Variants in TAF2 observed in about 807,000 individuals in gnomAD.
The protein encoded by TAF2 is TATA-box binding protein associated factor 2.
In TAF2, 61 loss-of-function variants were observed where a neutral mutation model predicts 138.5. The observed-to-expected ratio is 0.44, with a 90% confidence interval of 0.36 to 0.54. TAF2 has a LOEUF of 0.54. Ranked by LOEUF, TAF2 falls within the 20% of genes least tolerant of loss-of-function variation. TAF2 has a pLI of 0.00. For missense variants in TAF2, 1,090 were observed against 1,427.9 expected (o/e 0.76, Z 3.81); for synonymous variants, 475 against 469.9 (o/e 1.01, Z -0.14).
At position 119,789,609 on chromosome 8, in the gene TAF2, C is replaced by T. The variant is rs147865905; in HGVS notation, c.1551G>A (p.Pro517=). The T allele has an allele frequency of 7.1e-4, 1,148 of 1,613,610 alleles. No individual in the cohort carries two copies. Among genetic ancestry groups the T allele is most frequent in the Non-Finnish European group, 8.8e-4 (1,044 of 1,179,870 alleles). ...AAGGATACACCCACTGCTTTATTAACGGCTGAATATCTTTGCCAGAGACAT... is the reference window on the plus strand; with the variant it reads ...AAGGATACACCCACTGCTTTATTAATGGCTGAATATCTTTGCCAGAGACAT... The part of the protein sequence containing the change: ...ISNVSGKDIQ[P]LIKQWVDQSG... Residue 517 remains proline, a synonymous_variant, in exon 12 of 26, where the codon CCG becomes CCA. Coordinates refer to ENST00000378164, the MANE Select transcript of TAF2 (RefSeq NM_003184.4).
At chr8:119,794,758 C>T (rs1823701673) in intron 9 of TAF2, among the ~76,000 whole-genome samples, 1 of 152,094 alleles carries the variant, frequency 6.6e-6, no homozygotes, top group Non-Finnish European at 1.5e-5. Flanking sequence ...AGAAGAGACT[C>T]CAGTTCTAGA....
intron 19 of TAF2, 143 bp downstream of exon 19, chr8:119,762,272 A>T: frequency 2.6e-6 from 2 of 768,522 alleles, no homozygotes; most frequent in Non-Finnish European, 4.1e-6. Context: ...AAATACTAAT[A>T]ATTTATCTGT....
At chr8:119,789,075 G>A (rs1205606471) in intron 12 of TAF2, among the ~76,000 whole-genome samples, 171 bp from the exon 13 acceptor site, 1 of 152,174 alleles carries the variant, frequency 6.6e-6, no homozygotes, top group African/African-American at 2.4e-5. Flanking sequence ...TGTGAAAAAT[G>A]CTTTCCCAGA....
At chr8:119,810,907 A>G (rs1264144493) in intron 3 of TAF2, among the ~76,000 whole-genome samples, 1 of 152,210 alleles carries the variant, frequency 6.6e-6, no homozygotes, top group Non-Finnish European at 1.5e-5. Flanking sequence ...TGGTCCAAAT[A>G]AAATGAGTGA....
chr8:119,773,515 T>C (rs980374623), intron 18 of TAF2, among the ~76,000 whole-genome samples: 1 of 151,646 alleles, frequency 6.6e-6, no homozygotes, highest in African/African-American at 2.4e-5. Context: ...ACATAATTTA[T>C]ACAATAATAG....
In TAF2 at chr8:119,731,929, C is replaced by G; in HGVS notation, c.3595G>C (p.Asp1199His). Residue 1199 changes from aspartate (D) to histidine (H), a missense_variant, in exon 26 of 26, where the codon GAC (aspartate) becomes CAC (histidine). Physicochemically the swap from Asp to His is moderately conservative, Grantham distance 81. Around this residue, in one of 3 missense-constraint regions of TAF2, gnomAD observed 580 missense variants for 719.6 expected, o/e 0.81. Coordinates refer to ENST00000378164, the MANE Select transcript of TAF2 (RefSeq NM_003184.4). ...AAGGTCTTTTTGTCCCCTTCTCAGT[C>G]TGAAAGGGAAGGAGAACGAATAGAC... ...GRSIRSPSLS[D>H] 6.2e-7 allele frequency: 1 copy of G among 1,613,968 alleles called. No homozygotes were observed. Among genetic ancestry groups the G allele is most frequent in the Non-Finnish European group, 8.5e-7 (1 of 1,179,906 alleles).
chr8:119,796,830 T>C (rs974723673), intron 8 of TAF2, among the ~76,000 whole-genome samples, 160 bp downstream of exon 8: 1 of 152,006 alleles, frequency 6.6e-6, no homozygotes, highest in Non-Finnish European at 1.5e-5. Context: ...GCCAAAAAGT[T>C]AGGATGAAAC....
chr8:119,740,680 G>GA (rs1819548831), intron 25 of TAF2, among the ~76,000 whole-genome samples: 1 of 63,524 alleles, frequency 1.6e-5, no homozygotes, highest in Non-Finnish European at 3.3e-5. Flanking sequence ...AAAAAAAAAA[G>GA]AAAAGAAAAG....
intron 19 of TAF2, 22 bp from the exon 20 acceptor site, chr8:119,760,760 T>C: frequency 6.2e-7 from 1 of 1,613,518 alleles, no homozygotes; most frequent in Admixed American, 1.7e-5. Flanking sequence ...AATACGTATG[T>C]TAACTACTTT....
Position 119,819,329 on chromosome 8 carries a change from T to C in TAF2, c.299+17A>G, listed in dbSNP as rs369014145. 1 of 1,611,188 alleles carries C rather than the reference T, an allele frequency of 6.2e-7. No individual in the cohort carries two copies. The highest frequency in any genetic ancestry group is 1.3e-5 in the African/African-American group (1 of 75,020). ...CAAAACTGTTAAAAATAGTGACTTT[T>C]AAAGTGCATAACTTACTGTTTTGAT... On this transcript the variant is annotated intron_variant, in intron 3 of 25. Transcript: ENST00000378164.
chr8:119,822,591 C>T (rs80159344), intron 2 of TAF2, among the ~76,000 whole-genome samples: 5,084 of 152,202 alleles, frequency 0.033, 160 homozygotes, highest in South Asian at 0.11. Context: ...ATGTCTGATC[C>T]ATCCAATAAA....
At chr8:119,795,654 A>G (rs768040174) in intron 8 of TAF2, 23 bp from the exon 9 acceptor site, 1 of 1,596,880 alleles carries the variant, frequency 6.3e-7, no homozygotes, top group East Asian at 2.2e-5. Flanking sequence ...TCAAAGCATA[A>G]ATTACTTTTA....
At position 119,762,347 on chromosome 8, in the gene TAF2, A is replaced by G. The variant is rs954124172; in HGVS notation, c.2558+68T>C. 42 of 1,477,898 alleles carry G rather than the reference A, an allele frequency of 2.8e-5. No individual in the cohort carries two copies. In the Admixed American group the frequency reaches 4.3e-4, roughly 15 times the overall value. 91.5% of individuals were successfully genotyped at this position (1,477,898 alleles called of 1,614,324 possible). The stretch of plus-strand genomic sequence containing the variant: ...ACTTTACTATATTTCCCAATTTTCT[A>G]TAACAAAAATAAATTTCTTTTACAG... On this transcript the variant is annotated intron_variant, in intron 19 of 25. Transcript: ENST00000378164.
At chr8:119,744,251 C>A in intron 24 of TAF2, 37 bp downstream of exon 24, 3 of 1,547,858 alleles carry the variant, frequency 1.9e-6, no homozygotes, top group Non-Finnish European at 1.8e-6. Context: ...CAACCAATGT[C>A]TCCATCTCCT....
rs1823278190 is a variant in TAF2, at chr8:119,789,612, C to T, written c.1548G>A (p.Gln516=). The T allele has an allele frequency of 6.2e-7, 1 of 1,613,542 alleles. No individual in the cohort carries two copies. Among genetic ancestry groups the T allele is most frequent in the African/African-American group, 1.3e-5 (1 of 74,866 alleles). The stretch of plus-strand genomic sequence containing the variant: ...GATACACCCACTGCTTTATTAACGG[C>T]TGAATATCTTTGCCAGAGACATTTG... ...SISNVSGKDI[Q]PLIKQWVDQS... Residue 516 remains glutamine (Q), a synonymous_variant, in exon 12 of 26, where the codon CAG becomes CAA. Transcript: ENST00000378164.
chr8:119,815,071 C>T (rs967293272), intron 3 of TAF2, among the ~76,000 whole-genome samples: 21 of 151,304 alleles, frequency 1.4e-4, no homozygotes, highest in Non-Finnish European at 1.6e-4. Context: ...ATCACAAGGT[C>T]ATGAGTTCGA....
Position 119,746,903 on chromosome 8 carries a change from A to G in TAF2, c.2910T>C (p.Gly970=), listed in dbSNP as rs1820014827. ...AAAGTGTGAAGTACAAGTCCACAGC[A>G]CCACACCGTAACCTCCAGTCATGTG... ...GTSHDWRLRC[G]AVDLYFTLFG... The change falls in exon 23 of 26, where the codon GGT becomes GGC. Residue 970 remains glycine (G), a synonymous_variant. Transcript: ENST00000378164. 1 of 1,614,168 alleles carries G rather than the reference A, an allele frequency of 6.2e-7. No individual in the cohort carries two copies. The highest frequency in any genetic ancestry group is 1.3e-5 in the African/African-American group (1 of 75,052).
rs1187312866 is a variant in TAF2, at chr8:119,731,783, C to T, written c.*141G>A. ...CTGTATAAATAACATAAATCAAATG[C>T]TTAGAACTTAAATGAATTCAGAATT... On this transcript the variant is annotated 3_prime_UTR_variant, in exon 26 of 26. Coordinates refer to ENST00000378164, the MANE Select transcript of TAF2 (RefSeq NM_003184.4). 1.2e-6 allele frequency: 1 copy of T among 825,738 alleles called. No homozygotes were observed. The highest frequency in any genetic ancestry group is 1.5e-5 in the South Asian group (1 of 67,278). 51.2% of individuals were successfully genotyped at this position (825,738 alleles called of 1,614,324 possible).
intron 14 of TAF2, among the ~76,000 whole-genome samples, chr8:119,786,466 C>T (rs1159679817): frequency 6.6e-6 from 1 of 152,040 alleles, no homozygotes. Context: ...AGCTCCTCGG[C>T]CTCTACCTTC....
Sources: allele counts gnomAD v4.1 joint callset (sites outside exome capture counted in the v4.1 genomes callset), GRCh38; gene constraint gnomAD v4.1.1; regional missense constraint gnomAD v4.1.1; transcripts MANE v1.5; gene names NCBI Gene and HGNC (gene_info 2026-07-23, HGNC 2026-07-21).